The following GULP1 variants were observed in gnomAD, a reference collection of about 807,000 sequenced individuals.
GULP1 encodes GULP PTB domain containing engulfment adaptor 1.
A neutral mutation model predicts 40.9 loss-of-function variants in GULP1; 19 were observed. The observed-to-expected ratio is 0.46, with a 90% CI of 0.32 to 0.68. The LOEUF (loss-of-function observed/expected upper bound fraction) is 0.68, where lower values mean the gene tolerates loss of function less well. Ranked by LOEUF, GULP1 falls within the 30% of genes least tolerant of loss-of-function variation. GULP1 has a pLI of 0.03. For synonymous variants in GULP1, 119 were observed against 117.6 expected, an observed-to-expected ratio of 1.01 and a Z score of -0.08; for missense variants, 312 against 362.2, an observed-to-expected ratio of 0.86 and a Z score of 1.12.
rs564096188 is a variant in GULP1, at chr2:188,391,174, T to C, written c.-45+7285T>C. On this transcript the variant is annotated intron_variant, in intron 2 of 11. Coordinates refer to ENST00000409830, the MANE Select transcript of GULP1 (RefSeq NM_016315.4). ...TGTTGCTATTTTGATGGAATTGCAT[T>C]GAATCTGTAAATTGCCTTGGACAGT... 5.3e-5 allele frequency among the ~76,000 whole-genome samples: 8 copies of C among 152,230 alleles called. No individual in the cohort carries two copies. The East Asian group carries it at 1.5e-3, about 29-fold the overall frequency.
At chr2:188,455,405 G>A (rs1260986163) in intron 2 of GULP1, among the ~76,000 whole-genome samples, 1 of 152,022 alleles carries the variant, frequency 6.6e-6, no homozygotes, top group Non-Finnish European at 1.5e-5. Flanking sequence ...GAATTATGGG[G>A]GCAGGACTTT....
intron 2 of GULP1, among the ~76,000 whole-genome samples, chr2:188,437,324 A>C (rs978551276): frequency 3.3e-5 from 5 of 152,094 alleles, no homozygotes; most frequent in African/African-American, 1.2e-4. Context: ...GCAGTTGTAC[A>C]TATCAAGCTG....
chr2:188,320,235 A>G (rs942031705), intron 1 of GULP1, among the ~76,000 whole-genome samples: 13 of 152,190 alleles, frequency 8.5e-5, no homozygotes, highest in African/African-American at 3.1e-4. Flanking sequence ...CTCTAAACTC[A>G]TATAGTATTT....
At chr2:188,571,952 C>T (rs570573484) in intron 9 of GULP1, among the ~76,000 whole-genome samples, 1 of 152,246 alleles carries the variant, frequency 6.6e-6, no homozygotes, top group African/African-American at 2.4e-5. Flanking sequence ...CATTGTGTAA[C>T]CTCTTTATCT....
intron 4 of GULP1, among the ~76,000 whole-genome samples, chr2:188,505,512 A>C (rs2153176663): frequency 6.6e-6 from 1 of 151,986 alleles, no homozygotes; most frequent in South Asian, 2.1e-4. Context: ...TATAATATAC[A>C]ACAGCATATT....
At chr2:188,384,566 C>G (rs2049420925) in intron 2 of GULP1, among the ~76,000 whole-genome samples, 3 of 152,170 alleles carry the variant, frequency 2.0e-5, no homozygotes, top group African/African-American at 4.8e-5. Flanking sequence ...CCAAACATGC[C>G]TTCCCAACAA....
At chr2:188,299,058 A>C (rs536483805) in intron 1 of GULP1, among the ~76,000 whole-genome samples, 2 of 152,256 alleles carry the variant, frequency 1.3e-5, no homozygotes, top group South Asian at 4.2e-4. Context: ...GATAATTCCA[A>C]CTGGCTATTT....
At chr2:188,305,524 G>A (rs997382235) in intron 1 of GULP1, among the ~76,000 whole-genome samples, 9 of 152,172 alleles carry the variant, frequency 5.9e-5, no homozygotes, top group African/African-American at 2.2e-4. Context: ...AATCAGATTA[G>A]AGTCCTGCTT....
chr2:188,408,024 A>T (rs1176530846), intron 2 of GULP1, among the ~76,000 whole-genome samples: 1 of 152,216 alleles, frequency 6.6e-6, no homozygotes, highest in Non-Finnish European at 1.5e-5. Context: ...CCCAAATTTC[A>T]TGTTGATAGC....
chr2:188,443,740 G>A (rs2058143657), intron 2 of GULP1, among the ~76,000 whole-genome samples: 1 of 148,892 alleles, frequency 6.7e-6, no homozygotes, highest in African/African-American at 2.5e-5. Context: ...AGGCTGGAGT[G>A]CAATGGCACG....
chr2:188,554,675 C>T (rs1336827232), intron 7 of GULP1, among the ~76,000 whole-genome samples: 2 of 151,948 alleles, frequency 1.3e-5, no homozygotes, highest in East Asian at 3.9e-4. Context: ...GTCTGTAGTA[C>T]AGTTTAAATT....
chr2:188,307,259 C>CAGGTA (rs2037253886), intron 1 of GULP1, among the ~76,000 whole-genome samples: 1 of 151,926 alleles, frequency 6.6e-6, no homozygotes, highest in Non-Finnish European at 1.5e-5. Context: ...ATGATAAATA[C>CAGGTA]AGGTAGAACA....
In GULP1 at chr2:188,369,515, C is replaced by T. The variant is rs1213304337; in HGVS notation, c.-171-14248C>T. ...GATGGACTGAGATTCAGAATTGGGACGTAACTAGTGTGGCTCTTCTGAGTA... is the reference window on the plus strand; with the variant it reads ...GATGGACTGAGATTCAGAATTGGGATGTAACTAGTGTGGCTCTTCTGAGTA... On this transcript the variant is annotated intron_variant, in intron 1 of 11. Coordinates refer to ENST00000409830, the MANE Select transcript of GULP1 (RefSeq NM_016315.4). Among the ~76,000 whole-genome samples the T allele has an allele frequency of 4.6e-5, 7 of 152,180 alleles. No individual in the cohort carries two copies. In the South Asian group the frequency reaches 6.2e-4, roughly 14 times the overall value.
At chr2:188,400,029 A>G (rs1337060893) in intron 2 of GULP1, among the ~76,000 whole-genome samples, 1 of 152,200 alleles carries the variant, frequency 6.6e-6, no homozygotes, top group Non-Finnish European at 1.5e-5. Flanking sequence ...AACTATAAAC[A>G]GAGTGGCTTA....
chr2:188,504,730 G>T (rs1286046198), intron 4 of GULP1, among the ~76,000 whole-genome samples: 3 of 151,746 alleles, frequency 2.0e-5, no homozygotes, highest in South Asian at 2.1e-4. Context: ...TAATCCAATT[G>T]CAAATCAAAG....
At chr2:188,360,593 G>C (rs2045948306) in intron 1 of GULP1, among the ~76,000 whole-genome samples, 1 of 152,082 alleles carries the variant, frequency 6.6e-6, no homozygotes, top group Non-Finnish European at 1.5e-5. Context: ...TGTTGACTAA[G>C]TAAGTGGTGA....
intron 1 of GULP1, among the ~76,000 whole-genome samples, chr2:188,297,753 T>C (rs1207627340): frequency 1.3e-5 from 2 of 152,064 alleles, no homozygotes; most frequent in Non-Finnish European, 2.9e-5. Flanking sequence ...TTTCATGAGG[T>C]GATAACTATT....
chr2:188,542,524 A>T (rs893096262), intron 7 of GULP1, among the ~76,000 whole-genome samples: 3 of 152,216 alleles, frequency 2.0e-5, no homozygotes, highest in African/African-American at 7.2e-5. Context: ...TTTTATTTTT[A>T]TTTTTTAAAC....
Position 188,587,876 on chromosome 2 carries a change from A to T in GULP1, c.770A>T (p.Glu257Val), listed in dbSNP as rs1702721443. 6.2e-7 allele frequency: 1 copy of T among 1,602,646 alleles called. No homozygotes were observed. The highest frequency in any genetic ancestry group is 1.3e-5 in the African/African-American group (1 of 74,826). Residue 257 changes from glutamate to valine, a missense_variant, in exon 11 of 12, where the codon GAA becomes GTA. Transcript: ENST00000409830. ...GCAGAACGGGACCTGTTTGGAGCAG[A>T]ACCTTTTGACCCATTTAACTGTGGA... ...TEIKRDLFGA[E>V]PFDPFNCGAA... is the part of the protein sequence containing the mutation.
Sources: gnomAD v4.1 joint callset for allele counts (sites outside exome capture counted in the v4.1 genomes callset) on GRCh38, gnomAD v4.1.1 for gene constraint, MANE v1.5 for transcripts, NCBI Gene and HGNC (gene_info 2026-07-23, HGNC 2026-07-21) for gene names.